Variants in ZYX observed in about 807,000 individuals in gnomAD.
The protein encoded by ZYX is zyxin.
A neutral mutation model predicts 58.1 loss-of-function variants in ZYX; 37 were observed. The ratio of observed to expected loss-of-function variants is 0.64; its 90% CI spans 0.49 to 0.84. The LOEUF (loss-of-function observed/expected upper bound fraction) is 0.84. ZYX is among the 40% of genes least tolerant of loss of function. ZYX has a pLI of 0.00. For missense variants in ZYX, 762 were observed against 761.6 expected (o/e 1.00, Z -0.01); for synonymous variants, 324 against 321.1 (o/e 1.01, Z -0.10).
chr7:143,388,367 A>C lies in ZYX; in HGVS notation c.1144+28A>C, dbSNP rs1586570632. On this transcript the variant is annotated intron_variant, in intron 6 of 9. Coordinates refer to ENST00000322764, the MANE Select transcript of ZYX (RefSeq NM_003461.5). The surrounding 1 kb of genome is among the most constrained non-coding windows in gnomAD (Gnocchi z 7.5). ...GAGCCCACCCCACCGGGACACCCCCACCCTGCCCCCACATCACGGTGGGGG... is the reference window on the plus strand; with the variant it reads ...GAGCCCACCCCACCGGGACACCCCCCCCCTGCCCCCACATCACGGTGGGGG... The C allele has an allele frequency of 6.2e-7, 1 of 1,612,356 alleles. No individual in the cohort carries two copies. The highest frequency in any genetic ancestry group is 8.5e-7 in the Non-Finnish European group (1 of 1,179,040).
rs918672472 is a variant in ZYX, at chr7:143,387,849, C to T, written c.1024-370C>T. The stretch of plus-strand genomic sequence containing the variant: ...GCCCCTGTCCCATGGGGGCGATGTC[C>T]GAGCATGCTCTGTGGAGTTGATGCG... On this transcript the variant is annotated intron_variant, in intron 5 of 9. Transcript: ENST00000322764. The surrounding 1 kb of genome is among the most constrained non-coding windows in gnomAD (Gnocchi z 5.8). 8.2e-6 allele frequency: 4 copies of T among 485,720 alleles called. No individual in the cohort carries two copies. The highest frequency in any genetic ancestry group is 3.9e-5 in the African/African-American group (2 of 50,768). 30.1% of individuals were successfully genotyped at this position (485,720 alleles called of 1,614,324 possible).
intron 5 of ZYX, among the ~76,000 whole-genome samples, chr7:143,386,568 A>T (rs6464547): frequency 1.3e-5 from 2 of 151,848 alleles, no homozygotes; most frequent in African/African-American, 4.8e-5. Flanking sequence ...AAACAGGAAG[A>T]GGGTGGTGGT....
At chr7:143,381,502 C>A (rs949785006) in intron 1 of ZYX, 55 bp from the exon 2 acceptor site, 8 of 1,514,882 alleles carry the variant, frequency 5.3e-6, no homozygotes, top group Non-Finnish European at 7.1e-6. Context: ...GAGCTGGGAC[C>A]GCCTGGGGCT....
chr7:143,382,303 T>C lies in ZYX; in HGVS notation c.264T>C (p.Ala88=). 3.1e-6 allele frequency: 5 copies of C among 1,611,896 alleles called. No homozygotes were observed. The highest frequency in any genetic ancestry group is 4.2e-6 in the Non-Finnish European group (5 of 1,178,982). Residue 88 remains alanine, a synonymous_variant, in exon 3 of 10, where the codon GCT becomes GCC. Coordinates refer to ENST00000322764, the MANE Select transcript of ZYX (RefSeq NM_003461.5). Reference sequence around the variant, plus strand: ...GGGATGGCGACGATGCAGAGGGTGCTCTGGGAGGTGCCTTCCCGCCGCCCC... The same window carrying C: ...GGGATGGCGACGATGCAGAGGGTGCCCTGGGAGGTGCCTTCCCGCCGCCCC... The part of the protein sequence containing the change: ...LAGDGDDAEG[A]LGGAFPPPPP...
chr7:143,390,718 C>G lies in ZYX; in HGVS notation c.*36C>G. Reference sequence around the variant, plus strand: ...GCCCTCTTCAGACCGCAGTCCATGCCCCATTGTGGACCACCCACACTGAGA... The same window carrying G: ...GCCCTCTTCAGACCGCAGTCCATGCGCCATTGTGGACCACCCACACTGAGA... On this transcript the variant is annotated 3_prime_UTR_variant, in exon 10 of 10. Transcript: ENST00000322764. This position sits in a 1 kb window ranked among gnomAD's most constrained non-coding sequence, Gnocchi z 4.3. 6 of 1,491,184 alleles carry G rather than the reference C, an allele frequency of 4.0e-6. No individual in the cohort carries two copies. The highest frequency in any genetic ancestry group is 5.5e-6 in the Non-Finnish European group (6 of 1,093,128). The allele number at this position is 1,491,184 out of a possible 1,614,324, so 92.4% of individuals were successfully genotyped here. A position where few individuals can be genotyped will look rare whatever the true frequency, so the allele number is the denominator to read the frequency against.
chr7:143,390,170 T>C lies in ZYX; in HGVS notation c.1614+193T>C. The C allele has an allele frequency of 2.7e-6, 2 of 732,414 alleles. No homozygotes were observed. Among genetic ancestry groups the C allele is most frequent in the Non-Finnish European group, 4.3e-6 (2 of 461,002 alleles). The allele number at this position is 732,414 out of a possible 1,614,324, so 45.4% of individuals were successfully genotyped here. ...CTGCAGGAAATGGGGCTGTGGGGCT[T>C]CTGAGGTCACTTTGAGTCATGGATA... On this transcript the variant is annotated intron_variant, in intron 9 of 9. Transcript: ENST00000322764. This position sits in a 1 kb window ranked among gnomAD's most constrained non-coding sequence, Gnocchi z 4.3.
In ZYX at chr7:143,388,583, C is replaced by G; in HGVS notation, c.1239C>G (p.His413Gln). 2.5e-6 allele frequency: 4 copies of G among 1,612,710 alleles called. No homozygotes were observed. The highest frequency in any genetic ancestry group is 1.7e-4 in the Middle Eastern group (1 of 6,058). Reference sequence around the variant, plus strand: ...TCCACATCGCCTGCTTCACCTGCCACCAGTGTGCGCAGCAGCTCCAGGGCC... The same window carrying G: ...TCCACATCGCCTGCTTCACCTGCCAGCAGTGTGCGCAGCAGCTCCAGGGCC... ...QLFHIACFTC[H>Q]QCAQQLQGQQ... The change falls in exon 7 of 10, where the codon CAC becomes CAG. Residue 413 changes from histidine (H) to glutamine (Q), a missense_variant. By Grantham distance (24) the His-to-Gln change is conservative. Coordinates refer to ENST00000322764, the MANE Select transcript of ZYX (RefSeq NM_003461.5). This position sits in a 1 kb window ranked among gnomAD's most constrained non-coding sequence, Gnocchi z 7.5.
rs1226500362 is a variant in ZYX, at chr7:143,389,832, G to A, written c.1494-25G>A. 61 of 1,612,556 alleles carry A rather than the reference G, an allele frequency of 3.8e-5. No homozygotes were observed. The East Asian group carries it at 1.2e-3, about 33-fold the overall frequency. On this transcript the variant is annotated intron_variant, in intron 8 of 9. Coordinates refer to ENST00000322764, the MANE Select transcript of ZYX (RefSeq NM_003461.5). This position sits in a 1 kb window ranked among gnomAD's most constrained non-coding sequence, Gnocchi z 5.6. ...CGGGGATGAAAGCCCTGGCTAACTC[G>A]GCTGGCCCTTTCTGCCCCTTCCAGG...
At chr7:143,383,710 A>G (rs1358858907) in intron 5 of ZYX, among the ~76,000 whole-genome samples, 1 of 152,032 alleles carries the variant, frequency 6.6e-6, no homozygotes, top group Non-Finnish European at 1.5e-5. Context: ...TCCTCTGAGC[A>G]CTCTTTCTGC....
In ZYX at chr7:143,390,858, T is replaced by TC. The variant is rs746878732; in HGVS notation, c.*180dup. 2 of 596,750 alleles carry TC rather than the reference T, an allele frequency of 3.4e-6. No individual in the cohort carries two copies. The highest frequency in any genetic ancestry group is 6.0e-6 in the Non-Finnish European group (2 of 331,080). 37.0% of individuals were successfully genotyped at this position (596,750 alleles called of 1,614,324 possible). A position where few individuals can be genotyped will look rare whatever the true frequency, so the allele number is the denominator to read the frequency against. On this transcript the variant is annotated 3_prime_UTR_variant, in exon 10 of 10. Coordinates refer to ENST00000322764, the MANE Select transcript of ZYX (RefSeq NM_003461.5). The surrounding 1 kb of genome is among the most constrained non-coding windows in gnomAD (Gnocchi z 4.3). Reference sequence around the variant, plus strand: ...CCCAACATGGTCTAGGGATGCAGGATCCCCGCCCTGGGGTCTGGTCCTCGC... The same window carrying TC: ...CCCAACATGGTCTAGGGATGCAGGATCCCCCGCCCTGGGGTCTGGTCCTCGC...
chr7:143,382,573 T>G lies in ZYX; in HGVS notation c.409-20T>G. On this transcript the variant is annotated intron_variant, in intron 3 of 9. Transcript: ENST00000322764. ...GGGGATAGAGGCATGGAATAGGTGC[T>G]CTGACCTCTGACCCTCTAGCCCAGG... The G allele has an allele frequency of 6.2e-7, 1 of 1,613,220 alleles. No individual in the cohort carries two copies. Among genetic ancestry groups the G allele is most frequent in the Non-Finnish European group, 8.5e-7 (1 of 1,179,404 alleles).
intron 5 of ZYX, among the ~76,000 whole-genome samples, chr7:143,386,613 C>T (rs1368115741): frequency 2.0e-5 from 3 of 148,244 alleles, no homozygotes; most frequent in Middle Eastern, 3.2e-3. Flanking sequence ...CGGATAGCTG[C>T]GGGTGGCTGC....
At position 143,390,545 on chromosome 7, in the gene ZYX, G is replaced by T; in HGVS notation, c.1615-33G>T. 6.7e-7 allele frequency: 1 copy of T among 1,494,314 alleles called. No homozygotes were observed. 92.6% of individuals were successfully genotyped at this position (1,494,314 alleles called of 1,614,324 possible). On this transcript the variant is annotated intron_variant, in intron 9 of 9. Coordinates refer to ENST00000322764, the MANE Select transcript of ZYX (RefSeq NM_003461.5). The surrounding 1 kb of genome is among the most constrained non-coding windows in gnomAD (Gnocchi z 4.3). ...GGGTGGAGCAGAGCAGGGGCCTTCC[G>T]GTCCAGTGCCCCTCACCCTTCCTTC...
Position 143,389,984 on chromosome 7 carries a change from C to T in ZYX, c.1614+7C>T. ...GAAGTGTTACAAGTGTGAGGTCAGC[C>T]ATCCCTCTGGACTCCTTGGGCAGGT... On this transcript the variant is annotated splice_region_variant and intron_variant, in intron 9 of 9. Transcript: ENST00000322764. The surrounding 1 kb of genome is among the most constrained non-coding windows in gnomAD (Gnocchi z 5.6). 6.2e-7 allele frequency: 1 copy of T among 1,613,812 alleles called. No individual in the cohort carries two copies.
At position 143,388,005 on chromosome 7, in the gene ZYX, C is replaced by T. The variant is rs143861590; in HGVS notation, c.1024-214C>T. ...GAGTGGGTGGAAATGTCTTGCTGTA[C>T]GAGATCCAGGCTTAGGTCCCTTCCC... On this transcript the variant is annotated intron_variant, in intron 5 of 9. Transcript: ENST00000322764. The surrounding 1 kb of genome is among the most constrained non-coding windows in gnomAD (Gnocchi z 7.5). 34 of 619,758 alleles carry T rather than the reference C, an allele frequency of 5.5e-5. No individual in the cohort carries two copies. The highest frequency in any genetic ancestry group is 3.0e-4 in the South Asian group (17 of 55,952). 38.4% of individuals were successfully genotyped at this position (619,758 alleles called of 1,614,324 possible).
chr7:143,382,525 C>G, intron 3 of ZYX, 68 bp from the exon 4 acceptor site: 2 of 1,598,964 alleles, frequency 1.3e-6, no homozygotes, highest in East Asian at 2.2e-5. Flanking sequence ...CTTACCTCCC[C>G]TGCACCTCTG....
chr7:143,383,009 A>C lies in ZYX; in HGVS notation c.710A>C (p.His237Pro). ...QPQPKPQVQLHVQSQTQPVSL... is the reference protein window; with the variant it reads ...QPQPKPQVQLPVQSQTQPVSL... ...CAGCCCAAGCCTCAGGTCCAACTCC[A>C]TGTCCAGTCCCAGACCCAGCCTGTG... The change falls in exon 5 of 10, where the codon CAT becomes CCT. Residue 237 changes from histidine (H) to proline (P), a missense_variant. Physicochemically the swap from His to Pro is moderately conservative, Grantham distance 77. Transcript: ENST00000322764. 1.2e-6 allele frequency: 2 copies of C among 1,613,814 alleles called. No individual in the cohort carries two copies. Among genetic ancestry groups the C allele is most frequent in the Non-Finnish European group, 1.7e-6 (2 of 1,179,860 alleles).
At position 143,389,757 on chromosome 7, in the gene ZYX, C is replaced by T; in HGVS notation, c.1494-100C>T. The T allele has an allele frequency of 3.3e-6, 5 of 1,529,870 alleles. No homozygotes were observed. In the South Asian group the frequency reaches 6.1e-5, roughly 19 times the overall value. The allele number at this position is 1,529,870 out of a possible 1,614,324, so 94.8% of individuals were successfully genotyped here. A position where few individuals can be genotyped will look rare whatever the true frequency, so the allele number is the denominator to read the frequency against. ...GCTTCCTTCACCTGGAGATGCAGGGCAGAGAAGTCTGCTTCCTTGCTGCCC... is the reference window on the plus strand; with the variant it reads ...GCTTCCTTCACCTGGAGATGCAGGGTAGAGAAGTCTGCTTCCTTGCTGCCC... On this transcript the variant is annotated intron_variant, in intron 8 of 9. Coordinates refer to ENST00000322764, the MANE Select transcript of ZYX (RefSeq NM_003461.5). This position sits in a 1 kb window ranked among gnomAD's most constrained non-coding sequence, Gnocchi z 5.6.
rs1177190229 is a variant in ZYX at position 143,381,725 on chromosome 7, G to T, written c.154G>T (p.Ala52Ser). Reference protein sequence around the residue: ...GDSEPPPAPGAQRAQMGRVGE... With the variant: ...GDSEPPPAPGSQRAQMGRVGE... ...CAGCGAGCCTCCCCCGGCACCCGGG[G>T]CCCAGCGCGCACAGATGGGCCGGGT... is the stretch of plus-strand genomic sequence containing the variant. Residue 52 changes from alanine to serine, a missense_variant, in exon 2 of 10, where the codon GCC (alanine) becomes TCC (serine). Physicochemically the swap from Ala to Ser is moderately conservative, Grantham distance 99. Coordinates refer to ENST00000322764, the MANE Select transcript of ZYX (RefSeq NM_003461.5). The T allele has an allele frequency of 1.9e-6, 3 of 1,600,418 alleles. No homozygotes were observed. Among genetic ancestry groups the T allele is most frequent in the East Asian group, 4.6e-5 (2 of 43,804 alleles).
Sources: allele counts gnomAD v4.1 joint callset (sites outside exome capture counted in the v4.1 genomes callset), GRCh38; gene constraint gnomAD v4.1.1; non-coding constraint Gnocchi (gnomAD v3.1); transcripts MANE v1.5; gene names NCBI Gene and HGNC (gene_info 2026-07-23, HGNC 2026-07-21).